Variants in CNBD1 observed in about 807,000 individuals in gnomAD.
CNBD1 encodes the protein cyclic nucleotide-binding domain-containing protein 1.
CNBD1 carries 71 observed loss-of-function variants against 54.4 expected under a neutral mutation model. The observed-to-expected ratio is 1.30, with a 90% confidence interval of 1.08 to 1.59. The LOEUF (loss-of-function observed/expected upper bound fraction) is 1.59, where lower values mean the gene tolerates loss of function less well. Ranked by LOEUF, CNBD1 falls within the 40% of genes most tolerant of loss-of-function variation. CNBD1 has a pLI of 0.00. For missense variants in CNBD1, 659 were observed against 518.0 expected (o/e 1.27, Z -2.64); for synonymous variants, 182 against 170.7 (o/e 1.07, Z -0.51).
chr8:86,892,214 T>G (rs117235451), intron 2 of CNBD1, among the ~76,000 whole-genome samples: 114 of 152,258 alleles, frequency 7.5e-4, no homozygotes, highest in Non-Finnish European at 1.5e-3. Flanking sequence ...TGGCCTTTAT[T>G]GTGTTTAGGT....
intron 4 of CNBD1, among the ~76,000 whole-genome samples, chr8:87,133,705 A>T (rs1812168261): frequency 6.6e-6 from 1 of 152,106 alleles, no homozygotes; most frequent in Non-Finnish European, 1.5e-5. Context: ...GTAAAAAAAA[A>T]AAAAGCATAT....
chr8:87,027,554 G>A (rs1391193812), intron 4 of CNBD1, among the ~76,000 whole-genome samples: 1 of 152,318 alleles, frequency 6.6e-6, no homozygotes, highest in African/African-American at 2.4e-5. Flanking sequence ...ATAGGCATGA[G>A]CCACCGTGCC....
chr8:86,982,379 A>G (rs1808506624), intron 4 of CNBD1, among the ~76,000 whole-genome samples: 2 of 152,160 alleles, frequency 1.3e-5, no homozygotes, highest in African/African-American at 4.8e-5. Flanking sequence ...TTAATATGTC[A>G]CAAAATTTTC....
chr8:86,900,779 G>A (rs1049861017), intron 2 of CNBD1, among the ~76,000 whole-genome samples: 17 of 152,114 alleles, frequency 1.1e-4, no homozygotes, highest in African/African-American at 4.1e-4. Context: ...ACTTAAGTTA[G>A]TTATTTCAGG....
chr8:87,401,034 T>A (rs941024899), intron 2 of CNBD1, among the ~76,000 whole-genome samples: 98 of 152,146 alleles, frequency 6.4e-4, no homozygotes, highest in African/African-American at 2.2e-3. Flanking sequence ...TTTTAATTTA[T>A]CTCAGTTTAA....
At chr8:87,400,426 A>C (rs745928022) in intron 2 of CNBD1, among the ~76,000 whole-genome samples, 1 of 151,980 alleles carries the variant, frequency 6.6e-6, no homozygotes, top group Non-Finnish European at 1.5e-5. Context: ...AAAAATCAAT[A>C]TTTGGTTAAA....
At chr8:87,114,593 G>T (rs549350529) in intron 4 of CNBD1, among the ~76,000 whole-genome samples, 5 of 149,974 alleles carry the variant, frequency 3.3e-5, no homozygotes, top group Non-Finnish European at 5.9e-5. Context: ...TCAGGTGACC[G>T]CCCAGTGTGG....
At chr8:87,373,115 G>A (rs1340215707) in intron 10 of CNBD1, among the ~76,000 whole-genome samples, 1 of 151,708 alleles carries the variant, frequency 6.6e-6, no homozygotes. Flanking sequence ...TAAAGGCATA[G>A]TTTACATATT....
chr8:87,112,781 C>T (rs1811690121), intron 4 of CNBD1, among the ~76,000 whole-genome samples: 1 of 152,050 alleles, frequency 6.6e-6, no homozygotes, highest in Non-Finnish European at 1.5e-5. Flanking sequence ...GACTTTATTG[C>T]ATCTGGCTAC....
intron 10 of CNBD1, among the ~76,000 whole-genome samples, chr8:87,354,502 C>A (rs1397353857): frequency 6.6e-6 from 1 of 151,870 alleles, no homozygotes; most frequent in East Asian, 1.9e-4. Flanking sequence ...GTGTGCTGCA[C>A]CCATTAACTC....
At chr8:86,902,656 T>C (rs368514145) in intron 2 of CNBD1, among the ~76,000 whole-genome samples, 3 of 152,014 alleles carry the variant, frequency 2.0e-5, no homozygotes, top group East Asian at 3.9e-4. Flanking sequence ...AGTTATTTTC[T>C]TATAGATGAG....
chr8:87,024,288 T>C, intron 4 of CNBD1, among the ~76,000 whole-genome samples: 1 of 151,030 alleles, frequency 6.6e-6, no homozygotes. Context: ...CATTAGAGTT[T>C]ACAAAATATA....
intron 6 of CNBD1, among the ~76,000 whole-genome samples, chr8:87,274,272 T>C (rs1380094174): frequency 2.0e-5 from 3 of 150,430 alleles, no homozygotes. Flanking sequence ...TTATAGTCCT[T>C]TGGGTATATA....
intron 3 of CNBD1, among the ~76,000 whole-genome samples, chr8:86,925,119 C>A (rs1200038878): frequency 6.6e-6 from 1 of 152,150 alleles, no homozygotes; most frequent in African/African-American, 2.4e-5. Context: ...TATGATGGAA[C>A]TTGTCTTGGA....
chr8:87,371,849 G>A (rs1810810884), intron 10 of CNBD1, among the ~76,000 whole-genome samples: 1 of 151,786 alleles, frequency 6.6e-6, no homozygotes, highest in Non-Finnish European at 1.5e-5. Flanking sequence ...AAAATAATAA[G>A]AGCTATCTAT....
chr8:87,406,479 C>CACACT (rs1462159200), intron 2 of CNBD1, among the ~76,000 whole-genome samples: 9 of 82,724 alleles, frequency 1.1e-4, no homozygotes, highest in African/African-American at 4.3e-4. Context: ...CACACACACA[C>CACACT]TTTTTTTTTT....
At chr8:87,348,085 G>A (rs1470175806) in intron 8 of CNBD1, among the ~76,000 whole-genome samples, 1 of 152,012 alleles carries the variant, frequency 6.6e-6, no homozygotes, top group Non-Finnish European at 1.5e-5. Flanking sequence ...CCAAGTGACA[G>A]GTACTTAATA....
At chr8:86,963,431 C>G (rs1807986670) in intron 4 of CNBD1, among the ~76,000 whole-genome samples, 1 of 152,176 alleles carries the variant, frequency 6.6e-6, no homozygotes, top group Non-Finnish European at 1.5e-5. Flanking sequence ...GGGCTTCAAA[C>G]TGAAGCTTCG....
chr8:87,126,211 C>T (rs546416375), intron 4 of CNBD1, among the ~76,000 whole-genome samples: 116 of 151,894 alleles, frequency 7.6e-4, no homozygotes, highest in Non-Finnish European at 1.3e-3. Context: ...ATAGTTTCTC[C>T]TATGGCAAGT....
Sources: gnomAD v4.1 joint callset for allele counts (sites outside exome capture counted in the v4.1 genomes callset) on GRCh38, gnomAD v4.1.1 for gene constraint, MANE v1.5 for transcripts, NCBI Gene and HGNC (gene_info 2026-07-23, HGNC 2026-07-21) for gene names.